ADAMTS17: variants seen among roughly 807,000 people sequenced by gnomAD.
ADAMTS17 encodes the protein ADAM metallopeptidase with thrombospondin type 1 motif 17.
A neutral mutation model predicts 141.5 loss-of-function variants in ADAMTS17; 113 were observed. The ratio of observed to expected loss-of-function variants is 0.80; its 90% CI spans 0.69 to 0.93. The LOEUF (loss-of-function observed/expected upper bound fraction) is 0.93, where lower values mean the gene tolerates loss of function less well. ADAMTS17 is among the 40% of genes least tolerant of loss of function. The pLI is 0.00. For synonymous variants in ADAMTS17, 768 were observed against 630.6 expected, an observed-to-expected ratio of 1.22 and a Z score of -3.27; for missense variants, 1,659 against 1,517.9, an observed-to-expected ratio of 1.09 and a Z score of -1.54.
intron 17 of ADAMTS17, among the ~76,000 whole-genome samples, chr15:100,049,397 C>G (rs751482776): frequency 6.6e-6 from 1 of 152,170 alleles, no homozygotes; most frequent in Non-Finnish European, 1.5e-5. Flanking sequence ...CAGAGTCTGG[C>G]TACCTATTAC....
At chr15:100,192,001 C>T (rs938534369) in intron 8 of ADAMTS17, among the ~76,000 whole-genome samples, 6 of 152,034 alleles carry the variant, frequency 3.9e-5, no homozygotes, top group Admixed American at 1.3e-4. Flanking sequence ...TCTCATGTAA[C>T]CTATAAATAT....
chr15:100,162,779 T>C lies in ADAMTS17; in HGVS notation c.1182-7459A>G, dbSNP rs561282775. Among the ~76,000 whole-genome samples the C allele has an allele frequency of 6.2e-5, 9 of 146,008 alleles. No homozygotes were observed. The South Asian group carries it at 1.7e-3, about 28-fold the overall frequency. On this transcript the variant is annotated intron_variant, in intron 8 of 21. Transcript: ENST00000268070. ...ATATAGGCACATATACACATATATA[T>C]ACATATGCACATATACACAGTATAT...
intron 18 of ADAMTS17, among the ~76,000 whole-genome samples, chr15:100,011,008 C>T (rs543655564): frequency 2.0e-4 from 30 of 152,070 alleles, no homozygotes; most frequent in South Asian, 4.2e-4. Context: ...TGCGCGTCTC[C>T]GGAAGCCGGC....
Position 100,015,209 on chromosome 15 carries a change from A to C in ADAMTS17, c.2592-17620T>G, listed in dbSNP as rs1427690256. 2.6e-5 allele frequency among the ~76,000 whole-genome samples: 4 copies of C among 152,140 alleles called. No homozygotes were observed. The East Asian group carries it at 7.7e-4, about 29-fold the overall frequency. On this transcript the variant is annotated intron_variant, in intron 18 of 21. Transcript: ENST00000268070. ...CTGCTCACTTTTGCTGTCTATTTGC[A>C]TGAATTGCCTTTTTCCACCCCTTTA...
At chr15:100,213,542 A>C (rs999486) in intron 7 of ADAMTS17, among the ~76,000 whole-genome samples, 20,849 of 152,172 alleles carry the variant, frequency 0.14, 1,635 homozygotes, top group East Asian at 0.29. Context: ...GGGAACAGAA[A>C]AGAGCTGTGT....
At chr15:100,282,460 C>G (rs2044316463) in intron 3 of ADAMTS17, among the ~76,000 whole-genome samples, 1 of 152,214 alleles carries the variant, frequency 6.6e-6, no homozygotes, top group African/African-American at 2.4e-5. Context: ...CCTATGCATA[C>G]ATACCTACGA....
rs533437573 is a variant in ADAMTS17, at chr15:100,109,075, A to ACTCCTT, written c.1924_1929dup (p.Lys642_Glu643dup). ...ACCCTGTCGGCCACCAGCAGTGGGG[A>ACTCCTT]CTCCTTCCCGAGGGGCGAGCAGTAG... On this transcript the variant is annotated inframe_insertion, in exon 14 of 22. Coordinates refer to ENST00000268070, the MANE Select transcript of ADAMTS17 (RefSeq NM_139057.4). 467 of 1,613,514 alleles carry ACTCCTT rather than the reference A, an allele frequency of 2.9e-4. No homozygotes were observed. In the African/African-American group the frequency reaches 5.9e-3, roughly 21 times the overall value.
At chr15:100,003,424 C>T (rs1295437483) in intron 18 of ADAMTS17, among the ~76,000 whole-genome samples, 1 of 152,072 alleles carries the variant, frequency 6.6e-6, no homozygotes, top group Non-Finnish European at 1.5e-5. Flanking sequence ...GAAGTGATGT[C>T]TGAGCTGAGT....
chr15:100,147,333 G>A (rs2038956048), intron 10 of ADAMTS17, among the ~76,000 whole-genome samples: 1 of 152,204 alleles, frequency 6.6e-6, no homozygotes, highest in Non-Finnish European at 1.5e-5. Context: ...TCAACAATGG[G>A]AATACGTTCT....
intron 18 of ADAMTS17, among the ~76,000 whole-genome samples, chr15:100,004,983 T>C (rs2061010612): frequency 6.6e-6 from 1 of 152,232 alleles, no homozygotes; most frequent in Non-Finnish European, 1.5e-5. Flanking sequence ...CTTGAACTCC[T>C]GGCATCAAGT....
chr15:100,241,505 C>T (rs978078362), intron 7 of ADAMTS17, among the ~76,000 whole-genome samples: 2 of 152,232 alleles, frequency 1.3e-5, no homozygotes, highest in African/African-American at 4.8e-5. Context: ...AGTGTCTCAA[C>T]ACACTTTACT....
At chr15:100,172,334 A>C (rs1720635047) in intron 8 of ADAMTS17, among the ~76,000 whole-genome samples, 1 of 152,156 alleles carries the variant, frequency 6.6e-6, no homozygotes. Flanking sequence ...GGATGCAGTG[A>C]ATTCTAAATT....
intron 7 of ADAMTS17, among the ~76,000 whole-genome samples, chr15:100,200,911 C>A (rs527761659): frequency 2.0e-5 from 3 of 152,256 alleles, no homozygotes; most frequent in South Asian, 2.1e-4. Flanking sequence ...TGCTCTCCCC[C>A]ATGGCTGTCC....
At chr15:100,241,669 C>T (rs1387959850) in intron 7 of ADAMTS17, among the ~76,000 whole-genome samples, 1 of 152,224 alleles carries the variant, frequency 6.6e-6, no homozygotes, top group Non-Finnish European at 1.5e-5. Context: ...CACCCCATTC[C>T]ACCAGGCAGA....
chr15:100,243,645 C>T (rs2042894248), intron 7 of ADAMTS17, among the ~76,000 whole-genome samples: 1 of 152,132 alleles, frequency 6.6e-6, no homozygotes, highest in Non-Finnish European at 1.5e-5. Context: ...CAAAAATTAG[C>T]CAGGCGTAAT....
At chr15:100,252,521 G>C (rs2043185793) in intron 7 of ADAMTS17, among the ~76,000 whole-genome samples, 1 of 152,138 alleles carries the variant, frequency 6.6e-6, no homozygotes, top group African/African-American at 2.4e-5. Flanking sequence ...AGGCGCCCCG[G>C]ACATGGGTAC....
At chr15:100,235,417 T>C (rs1020490037) in intron 7 of ADAMTS17, among the ~76,000 whole-genome samples, 1 of 152,028 alleles carries the variant, frequency 6.6e-6, no homozygotes, top group African/African-American at 2.4e-5. Context: ...ATACGGCCAG[T>C]AGAGTTGAGC....
chr15:100,056,954 T>C (rs1482034108), intron 15 of ADAMTS17, among the ~76,000 whole-genome samples: 2 of 151,902 alleles, frequency 1.3e-5, no homozygotes, highest in Non-Finnish European at 2.9e-5. Context: ...ACGGGGCAGA[T>C]GGGGAAGGCT....
chr15:100,311,163 C>T (rs1041031023), intron 3 of ADAMTS17, among the ~76,000 whole-genome samples: 14 of 152,352 alleles, frequency 9.2e-5, no homozygotes, highest in East Asian at 1.9e-4. Context: ...GGCCTCCTGC[C>T]GGGAGGGAAG....
Sources: allele counts gnomAD v4.1 joint callset (sites outside exome capture counted in the v4.1 genomes callset), GRCh38; gene constraint gnomAD v4.1.1; transcripts MANE v1.5; gene names NCBI Gene and HGNC (gene_info 2026-07-23, HGNC 2026-07-21).